The following ENAH variants were observed in gnomAD, a reference collection of about 807,000 sequenced individuals.
ENAH encodes protein enabled homolog.
In ENAH, 23 loss-of-function variants were observed where a neutral mutation model predicts 78.7. The ratio of observed to expected loss-of-function variants is 0.29; its 90% confidence interval spans 0.21 to 0.41. ENAH has a LOEUF of 0.41. Ranked by LOEUF, ENAH falls within the 10% of genes least tolerant of loss-of-function variation. The pLI is 1.00. For missense variants in ENAH, 544 were observed against 691.0 expected, an observed-to-expected ratio of 0.79 and a Z score of 2.39; for synonymous variants, 226 against 241.0, an observed-to-expected ratio of 0.94 and a Z score of 0.58.
At chr1:225,638,707 G>A (rs1356622486) in intron 1 of ENAH, among the ~76,000 whole-genome samples, 1 of 152,164 alleles carries the variant, frequency 6.6e-6, no homozygotes, top group East Asian at 1.9e-4. Context: ...TCAGACTCAA[G>A]GCTGAGCTGA....
chr1:225,523,473 C>A (rs2096484603), intron 4 of ENAH, among the ~76,000 whole-genome samples: 1 of 151,928 alleles, frequency 6.6e-6, no homozygotes, highest in East Asian at 1.9e-4. Flanking sequence ...AGGAAAAGGA[C>A]ACAATGCTGG....
At chr1:225,580,092 CCTCAA>C (rs1558849776) in intron 1 of ENAH, 1 of 151,758 alleles carries the variant, frequency 6.6e-6, no homozygotes, top group East Asian at 1.9e-4. Context: ...TTCCCCACAC[CCTCAA>C]CTCATCAACA....
At chr1:225,559,736 T>TA (rs2096690020) in intron 2 of ENAH, among the ~76,000 whole-genome samples, 1 of 151,528 alleles carries the variant, frequency 6.6e-6, no homozygotes, top group African/African-American at 2.4e-5. Flanking sequence ...CACAGAGAAA[T>TA]AAAAAAGCTC....
intron 1 of ENAH, among the ~76,000 whole-genome samples, chr1:225,648,318 T>G (rs747132501): frequency 6.6e-6 from 1 of 152,176 alleles, no homozygotes; most frequent in Non-Finnish European, 1.5e-5. Context: ...TTTCTTACAC[T>G]CATGATACAG....
At chr1:225,612,792 CAA>C (rs1329993266) in intron 1 of ENAH, among the ~76,000 whole-genome samples, 1 of 148,878 alleles carries the variant, frequency 6.7e-6, no homozygotes, top group African/African-American at 2.5e-5. Flanking sequence ...CCGTAAGAAG[CAA>C]AAAAGTTTTA....
At chr1:225,551,260 G>A (rs1233798592) in intron 3 of ENAH, among the ~76,000 whole-genome samples, 2 of 151,872 alleles carry the variant, frequency 1.3e-5, no homozygotes, top group Non-Finnish European at 2.9e-5. Flanking sequence ...GTACTTTCCA[G>A]TATATTAGAT....
chr1:225,555,001 T>A lies in ENAH; in HGVS notation c.254A>T (p.Gln85Leu). The change falls in exon 3 of 14, where the codon CAG (glutamine) becomes CTG (leucine). Residue 85 changes from glutamine to leucine, a missense_variant. By Grantham distance (113) the Gln-to-Leu change is moderately radical. Transcript: ENST00000366843. Reference protein sequence around the residue: ...QTFHQWRDARQVYGLNFGSKE... With the variant: ...QTFHQWRDARLVYGLNFGSKE... The stretch of plus-strand genomic sequence containing the variant: ...GCTGCCAAAGTTGAGACCATACACC[T>A]GTCTAGCATCTCGCCACTGGTGGAA... The A allele has an allele frequency of 6.2e-7, 1 of 1,607,762 alleles. No homozygotes were observed. The highest frequency in any genetic ancestry group is 8.5e-7 in the Non-Finnish European group (1 of 1,175,048).
At chr1:225,593,397 GTGT>G (rs1178159951) in intron 1 of ENAH, among the ~76,000 whole-genome samples, 2 of 66,704 alleles carry the variant, frequency 3.0e-5, no homozygotes, top group East Asian at 3.6e-4. Context: ...CCCTGTGTGT[GTGT>G]GGGGGGGGGG....
rs1246533574 is a variant in ENAH, at chr1:225,490,660, C to A, written c.*7115G>T. 6.6e-6 allele frequency: 1 copy of A among 152,132 alleles called. No individual in the cohort carries two copies. Among genetic ancestry groups the A allele is most frequent in the East Asian group, 1.9e-4 (1 of 5,194 alleles). 9.4% of individuals were successfully genotyped at this position (152,132 alleles called of 1,614,324 possible). A position where few individuals can be genotyped will look rare whatever the true frequency, so the allele number is the denominator to read the frequency against. ...CCAAATTGTAAAGTCCTGACTCAGGCCTGAACCTCCCATCCCTCTAGTAAT... is the reference window on the plus strand; with the variant it reads ...CCAAATTGTAAAGTCCTGACTCAGGACTGAACCTCCCATCCCTCTAGTAAT... On this transcript the variant is annotated 3_prime_UTR_variant, in exon 14 of 14. Coordinates refer to ENST00000366843, the MANE Select transcript of ENAH (RefSeq NM_018212.6).
intron 13 of ENAH, 102 bp downstream of exon 13, chr1:225,498,245 C>G (rs1161113804): frequency 9.9e-6 from 9 of 911,530 alleles, no homozygotes; most frequent in Non-Finnish European, 8.6e-6. Context: ...GAAGTCATTG[C>G]CCTCAACTAA....
intron 11 of ENAH, chr1:225,505,011 C>CCAA (rs767314348): frequency 3.7e-6 from 6 of 1,612,712 alleles, no homozygotes; most frequent in Non-Finnish European, 5.1e-6. Context: ...AATCATAGGA[C>CCAA]CTGTTGTCAA....
Position 225,493,523 on chromosome 1 carries a change from C to T in ENAH, c.*4252G>A, listed in dbSNP as rs2096233625. The T allele has an allele frequency of 6.6e-6, 1 of 152,106 alleles. No homozygotes were observed. The highest frequency in any genetic ancestry group is 1.5e-5 in the Non-Finnish European group (1 of 68,010). The allele number at this position is 152,106 out of a possible 1,614,324, so 9.4% of individuals were successfully genotyped here. On this transcript the variant is annotated 3_prime_UTR_variant, in exon 14 of 14. Transcript: ENST00000366843. ...ATTAAACATCAGTAATTTCAATATA[C>T]TAGGATCCTTTTCTCATTCCTTAGA...
intron 1 of ENAH, among the ~76,000 whole-genome samples, chr1:225,610,766 A>G (rs1269580591): frequency 6.6e-6 from 1 of 152,250 alleles, no homozygotes; most frequent in East Asian, 1.9e-4. Context: ...TTTTAACGCT[A>G]GTACGATCAA....
intron 1 of ENAH, among the ~76,000 whole-genome samples, chr1:225,650,598 C>T (rs1662775517): frequency 6.6e-6 from 1 of 152,046 alleles, no homozygotes; most frequent in South Asian, 2.1e-4. Context: ...CGCCTGTAAT[C>T]CCAGCACTTT....
At chr1:225,539,680 C>A (rs548275486) in intron 3 of ENAH, among the ~76,000 whole-genome samples, 1 of 152,214 alleles carries the variant, frequency 6.6e-6, no homozygotes, top group African/African-American at 2.4e-5. Context: ...GTGATTGCCA[C>A]GTATCTCATC....
chr1:225,599,170 A>G lies in ENAH; in HGVS notation c.6-31756T>C, dbSNP rs181276044. ...ACAAATCCAAAATGAAACATATCAA[A>G]GAGAACAGATCTTTCACAAAACAAC... On this transcript the variant is annotated intron_variant, in intron 1 of 13. Transcript: ENST00000366843. 1.3e-3 allele frequency among the ~76,000 whole-genome samples: 205 copies of G among 152,290 alleles called. 1 individual carries two copies. The highest frequency in any genetic ancestry group is 4.9e-3 in the African/African-American group (203 of 41,564).
Position 225,652,101 on chromosome 1 carries a change from T to C in ENAH, c.5+585A>G, listed in dbSNP as rs112061381. Among the ~76,000 whole-genome samples the C allele has an allele frequency of 2.4e-3, 367 of 150,958 alleles. 2 individuals carry two copies. Among genetic ancestry groups the C allele is most frequent in the African/African-American group, 8.3e-3 (342 of 40,970 alleles). On this transcript the variant is annotated intron_variant, in intron 1 of 13. Transcript: ENST00000366843. ...ACCCCTACCAACTTACTTATCCCAG[T>C]CTTTTACTGCCCCCACCACGTGAAC...
At chr1:225,571,224 T>C (rs1266408766) in intron 1 of ENAH, among the ~76,000 whole-genome samples, 2 of 151,630 alleles carry the variant, frequency 1.3e-5, no homozygotes, top group African/African-American at 4.8e-5. Context: ...GATACAAAAA[T>C]TAGCCAGGCA....
intron 1 of ENAH, among the ~76,000 whole-genome samples, chr1:225,625,768 G>A (rs1269844361): frequency 2.1e-4 from 32 of 152,092 alleles, no homozygotes; most frequent in Non-Finnish European, 4.4e-5. Context: ...CACCCACCTC[G>A]GCCTCCCAAA....
Sources: gnomAD v4.1 joint callset for allele counts (sites outside exome capture counted in the v4.1 genomes callset) on GRCh38, gnomAD v4.1.1 for gene constraint, MANE v1.5 for transcripts, NCBI Gene and HGNC (gene_info 2026-07-23, HGNC 2026-07-21) for gene names.